Variants in DIAPH3 observed in about 807,000 individuals in gnomAD.
DIAPH3 encodes protein diaphanous homolog 3.
In DIAPH3, 117 loss-of-function variants were observed where a neutral mutation model predicts 144.3. That is an observed-to-expected ratio of 0.81 (90% CI 0.70 to 0.95). The LOEUF (loss-of-function observed/expected upper bound fraction) is 0.95, where lower values mean the gene tolerates loss of function less well. Ranked by LOEUF, DIAPH3 falls within the 40% of genes least tolerant of loss-of-function variation. The probability of loss-of-function intolerance (pLI) is 0.00; values close to 1 mark genes in which losing one functional copy is unlikely to be tolerated. For synonymous variants in DIAPH3, 519 were observed against 488.9 expected (o/e 1.06, Z -0.81); for missense variants, 1,421 against 1,412.7 (o/e 1.01, Z -0.09).
chr13:60,111,235 C>T (rs1306479521), intron 3 of DIAPH3, among the ~76,000 whole-genome samples: 1 of 152,184 alleles, frequency 6.6e-6, no homozygotes. Context: ...CAAAGGCTAA[C>T]CAGAAAAAGG....
At chr13:59,903,724 A>G (rs528748282) in intron 20 of DIAPH3, among the ~76,000 whole-genome samples, 4 of 152,242 alleles carry the variant, frequency 2.6e-5, no homozygotes, top group Non-Finnish European at 4.4e-5. Flanking sequence ...TTTTTAACAA[A>G]AAAATCAAAA....
intron 3 of DIAPH3, among the ~76,000 whole-genome samples, chr13:60,108,246 G>A (rs1471696988): frequency 6.6e-6 from 1 of 152,164 alleles, no homozygotes; most frequent in Admixed American, 6.5e-5. Context: ...TGAGAGGCAG[G>A]TTTAAGGAAT....
intron 9 of DIAPH3, among the ~76,000 whole-genome samples, chr13:59,999,129 C>T (rs2052378141): frequency 6.6e-6 from 1 of 152,050 alleles, no homozygotes; most frequent in Non-Finnish European, 1.5e-5. Context: ...AGCAAATATA[C>T]TTGGCTAAAT....
chr13:59,802,681 T>TTA, intron 25 of DIAPH3, among the ~76,000 whole-genome samples: 1 of 75,720 alleles, frequency 1.3e-5, no homozygotes, highest in African/African-American at 4.7e-5. Context: ...TTTTTTTTTT[T>TTA]TTTTTTTTTT....
chr13:59,840,073 C>T (rs1374919089), intron 22 of DIAPH3, among the ~76,000 whole-genome samples: 3 of 152,118 alleles, frequency 2.0e-5, no homozygotes, highest in African/African-American at 7.2e-5. Context: ...CACTGTGTCA[C>T]TATGAGAATA....
At chr13:59,793,934 TA>T (rs2039449929) in intron 25 of DIAPH3, among the ~76,000 whole-genome samples, 1 of 152,176 alleles carries the variant, frequency 6.6e-6, no homozygotes, top group South Asian at 2.1e-4. Flanking sequence ...ACCTCAAATA[TA>T]ATACAGACTG....
chr13:59,937,031 C>T (rs1378022381), intron 17 of DIAPH3, among the ~76,000 whole-genome samples: 4 of 151,716 alleles, frequency 2.6e-5, no homozygotes, highest in African/African-American at 7.3e-5. Flanking sequence ...GGCGTGGTGG[C>T]GGGTTCCTGT....
chr13:59,879,296 C>T lies in DIAPH3; in HGVS notation c.2540G>A (p.Gly847Glu). ...SKLLELVLLM[G>E]NYMNAGSRNA... The stretch of plus-strand genomic sequence containing the variant: ...CCGGGAGCCAGCATTCATGTAGTTT[C>T]CCATTAGCAATACAAGTTCCAGCAA... The change falls in exon 21 of 28, where the codon GGA becomes GAA. Residue 847 changes from glycine to glutamate, a missense_variant. Physicochemically the swap from Gly to Glu is moderately conservative, Grantham distance 98 (BLOSUM62 -2). Coordinates refer to ENST00000400324, the MANE Select transcript of DIAPH3 (RefSeq NM_001042517.2). The T allele has an allele frequency of 6.2e-7, 1 of 1,613,872 alleles. No homozygotes were observed. Among genetic ancestry groups the T allele is most frequent in the Non-Finnish European group, 8.5e-7 (1 of 1,179,844 alleles).
intron 9 of DIAPH3, among the ~76,000 whole-genome samples, chr13:60,002,772 C>T (rs996377364): frequency 2.0e-5 from 3 of 152,150 alleles, no homozygotes; most frequent in African/African-American, 7.2e-5. Context: ...TCTAGGATTC[C>T]CATGTTTTGG....
At chr13:59,925,028 A>T (rs930012130) in intron 17 of DIAPH3, among the ~76,000 whole-genome samples, 158 bp from the exon 18 acceptor site, 3 of 152,138 alleles carry the variant, frequency 2.0e-5, no homozygotes, top group Admixed American at 2.0e-4. Context: ...CCAAGACCTG[A>T]ACTGTTGAAG....
intron 27 of DIAPH3, chr13:59,696,010 GA>G (rs1223004899): frequency 1.3e-5 from 2 of 152,036 alleles, no homozygotes; most frequent in African/African-American, 4.8e-5. Flanking sequence ...CCAAACAAAG[GA>G]AAACAACAAC....
chr13:59,924,702 G>A, intron 18 of DIAPH3, 73 bp downstream of exon 18: 1 of 1,542,584 alleles, frequency 6.5e-7, no homozygotes, highest in South Asian at 1.2e-5. Context: ...TGAATAATCG[G>A]TCTTAAAGAA....
chr13:59,710,223 T>C (rs1032624977), intron 27 of DIAPH3, among the ~76,000 whole-genome samples: 13 of 144,532 alleles, frequency 9.0e-5, no homozygotes, highest in African/African-American at 3.1e-4. Flanking sequence ...TGTGCACATG[T>C]ACCCTAAAAC....
intron 25 of DIAPH3, among the ~76,000 whole-genome samples, chr13:59,793,962 T>G (rs151259921): frequency 2.2e-3 from 340 of 152,314 alleles, no homozygotes; most frequent in African/African-American, 7.6e-3. Flanking sequence ...ACTTACAATT[T>G]TTTGACTTTA....
chr13:59,750,752 C>T (rs1425099387), intron 27 of DIAPH3, among the ~76,000 whole-genome samples: 2 of 152,132 alleles, frequency 1.3e-5, no homozygotes, highest in Non-Finnish European at 2.9e-5. Flanking sequence ...AAGGAATAAC[C>T]GTTGATCTGT....
In DIAPH3 at chr13:59,795,689, G is replaced by A. The variant is rs551540716; in HGVS notation, c.3163+15099C>T. Reference sequence around the variant, plus strand: ...AAGATGGTCTCGATCTCCTGACCTCGTGATCCACCTGCCTCAGCCTCCCAA... The same window carrying A: ...AAGATGGTCTCGATCTCCTGACCTCATGATCCACCTGCCTCAGCCTCCCAA... On this transcript the variant is annotated intron_variant, in intron 25 of 27. Coordinates refer to ENST00000400324, the MANE Select transcript of DIAPH3 (RefSeq NM_001042517.2). Among the ~76,000 whole-genome samples, 504 of 151,966 alleles carry A rather than the reference G, an allele frequency of 3.3e-3. 3 individuals carry two copies. Among genetic ancestry groups the A allele is most frequent in the African/African-American group, 0.01 (421 of 41,418 alleles).
intron 27 of DIAPH3, 36 bp from the exon 28 acceptor site, chr13:59,666,882 C>T (rs1339890002): frequency 1.9e-6 from 3 of 1,612,022 alleles, no homozygotes; most frequent in Middle Eastern, 1.7e-4. Flanking sequence ...AAACTTATCA[C>T]CATGATAACC....
chr13:59,818,282 T>C (rs2040885589), intron 24 of DIAPH3, among the ~76,000 whole-genome samples: 2 of 152,058 alleles, frequency 1.3e-5, no homozygotes, highest in South Asian at 2.1e-4. Flanking sequence ...AAAAACACTT[T>C]TGTTTCCTGT....
At chr13:60,009,843 GTTAGTTCTTTTGCCTGT>G (rs1361444561) in intron 8 of DIAPH3, among the ~76,000 whole-genome samples, 8 of 152,086 alleles carry the variant, frequency 5.3e-5, no homozygotes, top group African/African-American at 1.9e-4. Context: ...GGATATTTCT[GTTAGTTCTTTTGCCTGT>G]TTAGTTTTTA....
Sources: allele counts gnomAD v4.1 joint callset (sites outside exome capture counted in the v4.1 genomes callset), GRCh38; gene constraint gnomAD v4.1.1; transcripts MANE v1.5; gene names NCBI Gene and HGNC (gene_info 2026-07-23, HGNC 2026-07-21).